Variants in PCDHA4 observed in about 807,000 individuals in gnomAD.
PCDHA4 encodes the protein protocadherin alpha-4.
A neutral mutation model predicts 61.4 loss-of-function variants in PCDHA4; 49 were observed. The observed-to-expected ratio is 0.80, with a 90% confidence interval of 0.63 to 1.01. The LOEUF (loss-of-function observed/expected upper bound fraction) is 1.01. Ranked by LOEUF, PCDHA4 falls within the 50% of genes least tolerant of loss-of-function variation. The probability of loss-of-function intolerance (pLI) is 0.00; values close to 1 mark genes in which losing one functional copy is unlikely to be tolerated. For synonymous variants in PCDHA4, 590 were observed against 550.3 expected, an observed-to-expected ratio of 1.07 and a Z score of -1.01; for missense variants, 1,254 against 1,235.8, an observed-to-expected ratio of 1.01 and a Z score of -0.22.
chr5:140,871,722 A>G (rs1354844618), intron 1 of PCDHA4: 1 of 760,470 alleles, frequency 1.3e-6, no homozygotes, highest in Non-Finnish European at 2.0e-6. Context: ...ATTTCTCTTA[A>G]TATTTGGTTA....
chr5:140,841,148 C>T, intron 1 of PCDHA4: 1 of 776,052 alleles, frequency 1.3e-6, no homozygotes, highest in Non-Finnish European at 2.0e-6. Context: ...CATGATGTCG[C>T]TGTCTACCAA....
At chr5:141,000,223 G>A (rs1190945878) in intron 3 of PCDHA4, among the ~76,000 whole-genome samples, 2 of 151,642 alleles carry the variant, frequency 1.3e-5, no homozygotes, top group African/African-American at 4.8e-5. Flanking sequence ...AAATGCCTGT[G>A]TGGAGCTGAA....
At chr5:140,934,547 C>A (rs2089905916) in intron 1 of PCDHA4, among the ~76,000 whole-genome samples, 1 of 152,124 alleles carries the variant, frequency 6.6e-6, no homozygotes, top group African/African-American at 2.4e-5. Flanking sequence ...CTAATTCTAT[C>A]ATTTCTTCTT....
intron 1 of PCDHA4, among the ~76,000 whole-genome samples, chr5:140,953,569 C>G (rs246030): frequency 0.56 from 85,556 of 151,828 alleles, 24,725 homozygotes; most frequent in African/African-American, 0.69. Context: ...TTAGTGCCCT[C>G]CTCTCCCAAA....
chr5:140,867,455 GTGTTATGACAACAT>G (rs1181061872), intron 1 of PCDHA4: 1 of 152,006 alleles, frequency 6.6e-6, no homozygotes, highest in East Asian at 1.9e-4. Flanking sequence ...TAGAGTTCTA[GTGTTATGACAACAT>G]TGGGAAAAGA....
At chr5:140,966,993 G>A in intron 1 of PCDHA4, 4 of 1,604,524 alleles carry the variant, frequency 2.5e-6, no homozygotes, top group Non-Finnish European at 3.4e-6. Context: ...GGGCCGGGTT[G>A]CTTGCGCATC....
chr5:140,832,991 T>A (rs1772239778), intron 1 of PCDHA4, among the ~76,000 whole-genome samples: 1 of 152,170 alleles, frequency 6.6e-6, no homozygotes, highest in African/African-American at 2.4e-5. Flanking sequence ...TGAGGAATAG[T>A]CCACTTTGGG....
At chr5:140,929,424 A>G in intron 1 of PCDHA4, 1 of 1,496,380 alleles carries the variant, frequency 6.7e-7, no homozygotes, top group East Asian at 2.3e-5. Flanking sequence ...ACATTTCATC[A>G]ATTGAACTAA....
chr5:140,808,469 C>A lies in PCDHA4; in HGVS notation c.1282C>A (p.Arg428=). Residue 428 remains arginine (R), a synonymous_variant, in exon 1 of 4, where the codon CGA becomes AGA. Transcript: ENST00000530339. ...VSAYELVVTA[R]DGGSPSLWAT... Reference sequence around the variant, plus strand: ...AGCCTATGAGCTGGTGGTGACCGCGCGAGACGGGGGCTCGCCTTCGCTGTG... The same window carrying A: ...AGCCTATGAGCTGGTGGTGACCGCGAGAGACGGGGGCTCGCCTTCGCTGTG... 1 of 1,614,170 alleles carries A rather than the reference C, an allele frequency of 6.2e-7. No homozygotes were observed. The highest frequency in any genetic ancestry group is 8.5e-7 in the Non-Finnish European group (1 of 1,180,044).
chr5:140,816,063 T>C (rs1396347202), intron 1 of PCDHA4: 1 of 152,226 alleles, frequency 6.6e-6, no homozygotes, highest in African/African-American at 2.4e-5. Context: ...TGGGAAGTTT[T>C]CAGATGTAAT....
At chr5:140,905,704 T>C (rs960569704) in intron 1 of PCDHA4, among the ~76,000 whole-genome samples, 2 of 152,242 alleles carry the variant, frequency 1.3e-5, no homozygotes, top group African/African-American at 4.8e-5. Context: ...TCATTTATGA[T>C]TTCCTTCAGC....
intron 1 of PCDHA4, chr5:140,828,742 G>T (rs2150158516): frequency 5.0e-6 from 8 of 1,614,208 alleles, no homozygotes; most frequent in Non-Finnish European, 5.9e-6. Context: ...CCACAGATGG[G>T]GGCAAACCTG....
intron 1 of PCDHA4, chr5:140,813,552 C>A (rs1765332337): frequency 1.3e-5 from 2 of 152,088 alleles, no homozygotes; most frequent in African/African-American, 4.8e-5. Context: ...AGGGTACTTA[C>A]CCTATGAATG....
chr5:140,924,830 G>T (rs1240824600), intron 1 of PCDHA4, among the ~76,000 whole-genome samples: 3 of 151,612 alleles, frequency 2.0e-5, no homozygotes, highest in Non-Finnish European at 4.4e-5. Flanking sequence ...GGGAGGGGGA[G>T]GTTGCAGGGA....
At chr5:140,881,918 A>G (rs1263343700) in intron 1 of PCDHA4, 3 of 252,356 alleles carry the variant, frequency 1.2e-5, no homozygotes, top group Non-Finnish European at 2.3e-5. Flanking sequence ...TGTTGAGCAG[A>G]ATGCAGTGAT....
rs556197231 is a variant in PCDHA4, at chr5:140,969,709, A to C, written c.2386-9240A>C. The stretch of plus-strand genomic sequence containing the variant: ...AAATGGCCTCTGCTGTATCATCTAC[A>C]GGGAAATTTTTCTTTTGAAATCCTA... On this transcript the variant is annotated intron_variant, in intron 1 of 3. Transcript: ENST00000530339. Among the ~76,000 whole-genome samples, 11 of 152,304 alleles carry C rather than the reference A, an allele frequency of 7.2e-5. No individual in the cohort carries two copies. The East Asian group carries it at 1.5e-3, about 21-fold the overall frequency.
intron 1 of PCDHA4, among the ~76,000 whole-genome samples, chr5:140,838,073 ATATAGTGTGTGTGTGT>A (rs2150282806): frequency 2.4e-4 from 30 of 126,834 alleles, no homozygotes; most frequent in Admixed American, 8.6e-4. Flanking sequence ...AGTTATATAT[ATATAGTGTGTGTGTGT>A]GTGTGTGTGT....
In PCDHA4 at chr5:140,809,359, T is replaced by C; in HGVS notation, c.2172T>C (p.Ser724=). ...TLLLYTALRC[S]ALPTEGACAP... ...TGCTGTACACCGCGCTGCGGTGCTC[T>C]GCGCTGCCCACCGAGGGCGCGTGCG... The change falls in exon 1 of 4, where the codon TCT becomes TCC. Residue 724 remains serine, a synonymous_variant. Transcript: ENST00000530339. 1 of 1,614,052 alleles carries C rather than the reference T, an allele frequency of 6.2e-7. No individual in the cohort carries two copies. The highest frequency in any genetic ancestry group is 1.1e-5 in the South Asian group (1 of 91,080).
intron 1 of PCDHA4, chr5:140,842,671 C>A: frequency 1.9e-6 from 3 of 1,595,454 alleles, no homozygotes; most frequent in Non-Finnish European, 2.6e-6. Flanking sequence ...ACGTGAACGA[C>A]AATGCTCCGG....
Sources: gnomAD v4.1 joint callset for allele counts (sites outside exome capture counted in the v4.1 genomes callset) on GRCh38, gnomAD v4.1.1 for gene constraint, MANE v1.5 for transcripts, NCBI Gene and HGNC (gene_info 2026-07-23, HGNC 2026-07-21) for gene names.